The following ABCB7 variants were observed in gnomAD, a reference collection of about 807,000 sequenced individuals.
ABCB7 encodes the protein ATP binding cassette subfamily B member 7.
In ABCB7, 7 loss-of-function variants were observed where a neutral mutation model predicts 54.4. The observed-to-expected ratio is 0.13, with a 90% CI of 0.07 to 0.24. ABCB7 has a LOEUF of 0.24. Ranked by LOEUF, ABCB7 falls within the 10% of genes least tolerant of loss-of-function variation. ABCB7 has a pLI of 1.00. For missense variants in ABCB7, 356 were observed against 570.4 expected, an observed-to-expected ratio of 0.62 and a Z score of 3.83; for synonymous variants, 218 against 207.1, an observed-to-expected ratio of 1.05 and a Z score of -0.45.
At chrX:75,073,515 T>C (rs2081382104) in intron 8 of ABCB7, among the ~76,000 whole-genome samples, 174 bp downstream of exon 8, 1 of 111,722 alleles carries the variant, frequency 9.0e-6, no homozygotes, top group Non-Finnish European at 1.9e-5. Context: ...AAACAAAAAC[T>C]GAGAAGGAAA....
intron 6 of ABCB7, among the ~76,000 whole-genome samples, chrX:75,074,553 C>T (rs6647085): frequency 0.13 from 14,015 of 111,295 alleles, 1,546 homozygotes; most frequent in East Asian, 0.9. Flanking sequence ...CATACAAATG[C>T]GTATGTTCAT....
intron 1 of ABCB7, among the ~76,000 whole-genome samples, chrX:75,150,155 G>A (rs2082120802): frequency 9.0e-6 from 1 of 111,555 alleles, no homozygotes; most frequent in South Asian, 3.8e-4. Flanking sequence ...AAAGTAATAA[G>A]GGTCTAAAAC....
rs898566343 is a variant in ABCB7, at chrX:75,131,573, T to C, written c.169-16742A>G. On this transcript the variant is annotated intron_variant, in intron 1 of 15. Coordinates refer to ENST00000373394, the MANE Select transcript of ABCB7 (RefSeq NM_001271696.3). ...AAAATTAGGCTGAAACAAATCCCCT[T>C]CAGTCTCAAAGTGCAAACACATAGA... Among the ~76,000 whole-genome samples, 7 of 111,524 alleles carry C rather than the reference T, an allele frequency of 6.3e-5. No homozygotes were observed. The East Asian group carries it at 1.7e-3, about 27-fold the overall frequency.
chrX:75,060,482 A>G (rs924784945), intron 14 of ABCB7, 152 bp from the exon 15 acceptor site: 26 of 453,919 alleles, frequency 5.7e-5, no homozygotes, highest in Non-Finnish European at 1.0e-4. Flanking sequence ...CAAATATTAG[A>G]CCTAATCTAA....
At chrX:75,056,235 C>T (rs1250899290) in intron 15 of ABCB7, among the ~76,000 whole-genome samples, 1 of 111,415 alleles carries the variant, frequency 9.0e-6, no homozygotes, top group African/African-American at 3.3e-5. Context: ...TTTCAGCAAC[C>T]AGTGAGGACC....
intron 1 of ABCB7, among the ~76,000 whole-genome samples, chrX:75,140,375 G>A (rs1018745446): frequency 9.0e-6 from 1 of 110,915 alleles, no homozygotes; most frequent in Non-Finnish European, 1.9e-5. Context: ...GTCCATCGTG[G>A]GCAATACAGT....
chrX:75,062,222 T>A, intron 14 of ABCB7, 106 bp downstream of exon 14: 1 of 712,091 alleles, frequency 1.4e-6, no homozygotes, highest in Non-Finnish European at 2.2e-6. Flanking sequence ...CTATAGCACT[T>A]ACTATTGAAG....
At chrX:75,130,470 C>T (rs2081966627) in intron 1 of ABCB7, among the ~76,000 whole-genome samples, 1 of 112,679 alleles carries the variant, frequency 8.9e-6, no homozygotes, top group Admixed American at 9.4e-5. Flanking sequence ...ACATACCATC[C>T]TTCCATTCCC....
At chrX:75,101,575 A>AC (rs1010594018) in intron 3 of ABCB7, among the ~76,000 whole-genome samples, 2 of 111,341 alleles carry the variant, frequency 1.8e-5, no homozygotes, top group Non-Finnish European at 3.8e-5. Context: ...AACTGGTAAG[A>AC]CCTTTTAAGG....
At chrX:75,081,527 A>G (rs1300212617) in intron 4 of ABCB7, among the ~76,000 whole-genome samples, 2 of 112,336 alleles carry the variant, frequency 1.8e-5, no homozygotes, top group African/African-American at 6.5e-5. Context: ...TATTCAAGGC[A>G]AATGTTTAAT....
intron 1 of ABCB7, among the ~76,000 whole-genome samples, chrX:75,130,852 C>T (rs1199201926): frequency 9.1e-6 from 1 of 110,295 alleles, no homozygotes; most frequent in East Asian, 2.8e-4. Flanking sequence ...TAAAGCAACA[C>T]AAAAGTGTAC....
intron 4 of ABCB7, among the ~76,000 whole-genome samples, chrX:75,082,804 C>A (rs1182877324): frequency 9.0e-6 from 1 of 110,623 alleles, no homozygotes. Flanking sequence ...CCAGAGTAAC[C>A]ACTACAAAAT....
intron 1 of ABCB7, among the ~76,000 whole-genome samples, chrX:75,149,978 G>A (rs893825330): frequency 2.7e-5 from 3 of 111,614 alleles, no homozygotes; most frequent in Non-Finnish European, 5.7e-5. Flanking sequence ...AATATGGCTA[G>A]CAATCTAGTT....
chrX:75,072,245 G>T (rs1436035732), intron 8 of ABCB7, among the ~76,000 whole-genome samples: 1 of 111,773 alleles, frequency 8.9e-6, no homozygotes, highest in Non-Finnish European at 1.9e-5. Flanking sequence ...AGAGAGTCAA[G>T]AATTTATATG....
intron 1 of ABCB7, among the ~76,000 whole-genome samples, chrX:75,124,921 T>C (rs896056887): frequency 1.8e-5 from 2 of 111,944 alleles, no homozygotes; most frequent in Admixed American, 1.9e-4. Context: ...GTTTCAACTT[T>C]CAGTAATTTA....
chrX:75,080,466 A>G (rs1434493241), intron 4 of ABCB7, among the ~76,000 whole-genome samples: 1 of 110,812 alleles, frequency 9.0e-6, no homozygotes, highest in East Asian at 2.8e-4. Context: ...CACCAGGCCC[A>G]GCTAATTTTT....
chrX:75,082,328 C>A (rs1055979682), intron 4 of ABCB7, among the ~76,000 whole-genome samples: 1 of 111,613 alleles, frequency 9.0e-6, no homozygotes, highest in Non-Finnish European at 1.9e-5. Context: ...AACCTAGTAC[C>A]GTACACTGGG....
In ABCB7 at chrX:75,055,854, C is replaced by A. The variant is rs767977105; in HGVS notation, c.2044-2269G>T. Among the ~76,000 whole-genome samples the A allele has an allele frequency of 1.2e-4, 13 of 107,400 alleles. 1 individual carries two copies. In the South Asian group the frequency reaches 5.5e-3, roughly 45 times the overall value. 93.3% of individuals were successfully genotyped at this position (107,400 alleles called of 115,157 possible). A position where few individuals can be genotyped will look rare whatever the true frequency, so the allele number is the denominator to read the frequency against. On this transcript the variant is annotated intron_variant, in intron 15 of 15. Coordinates refer to ENST00000373394, the MANE Select transcript of ABCB7 (RefSeq NM_001271696.3). ...GTTGTTTCTGATTATTAGATTCAGG[C>A]TAAATTTTTTTTTTTTGAGATAGAC...
At chrX:75,070,302 A>G in intron 10 of ABCB7, 63 bp downstream of exon 10, 2 of 1,078,655 alleles carry the variant, frequency 1.9e-6, no homozygotes, top group East Asian at 3.0e-5. Context: ...ATATTCCTAG[A>G]ATAATCCTAC....
Sources: allele counts gnomAD v4.1 joint callset (sites outside exome capture counted in the v4.1 genomes callset), GRCh38; gene constraint gnomAD v4.1.1; transcripts MANE v1.5; gene names NCBI Gene and HGNC (gene_info 2026-07-23, HGNC 2026-07-21).